RPS6KA2: variants seen among roughly 807,000 people sequenced by gnomAD.
RPS6KA2 encodes the protein ribosomal protein S6 kinase A2.
A neutral mutation model predicts 91.8 loss-of-function variants in RPS6KA2; 42 were observed. That is an observed-to-expected ratio of 0.46 (90% CI 0.36 to 0.59). The LOEUF (loss-of-function observed/expected upper bound fraction) is 0.59, where lower values mean the gene tolerates loss of function less well. Ranked by LOEUF, RPS6KA2 falls within the 20% of genes least tolerant of loss-of-function variation. RPS6KA2 has a pLI of 0.00. For missense variants in RPS6KA2, 798 were observed against 978.5 expected (o/e 0.82, Z 2.46); for synonymous variants, 414 against 393.6 (o/e 1.05, Z -0.61).
chr6:166,573,025 A>G (rs1784736779), intron 1 of RPS6KA2, among the ~76,000 whole-genome samples: 1 of 152,216 alleles, frequency 6.6e-6, no homozygotes, highest in Non-Finnish European at 1.5e-5. Context: ...GCCCCACCCC[A>G]CACCATGAGG....
intron 19 of RPS6KA2, among the ~76,000 whole-genome samples, chr6:166,417,887 G>A (rs1214967968): frequency 6.6e-6 from 1 of 151,858 alleles, no homozygotes; most frequent in Non-Finnish European, 1.5e-5. Flanking sequence ...CCAACATGGT[G>A]AAACAAAAAA....
chr6:166,679,292 T>TAA (rs113931859), intron 2 of RPS6KA2, among the ~76,000 whole-genome samples: 86 of 144,026 alleles, frequency 6.0e-4, no homozygotes, highest in Non-Finnish European at 1.1e-3. Context: ...CAACTCTCTT[T>TAA]AAAAAAAAAA....
chr6:166,859,802 A>G (rs1200718482), intron 1 of RPS6KA2, among the ~76,000 whole-genome samples: 1 of 152,238 alleles, frequency 6.6e-6, no homozygotes. Flanking sequence ...GAATCCAGGA[A>G]TGCTGATTCT....
chr6:166,514,181 C>T (rs1039588736), intron 3 of RPS6KA2, among the ~76,000 whole-genome samples: 1 of 152,202 alleles, frequency 6.6e-6, no homozygotes, highest in Non-Finnish European at 1.5e-5. Flanking sequence ...CCTCAAATTC[C>T]TTCCTCCCCC....
Position 166,665,886 on chromosome 6 carries a change from T to C in RPS6KA2, c.124-127102A>G, listed in dbSNP as rs1583000230. On this transcript the variant is annotated intron_variant, in intron 2 of 21. Coordinates refer to the RPS6KA2 transcript ENST00000503859. The surrounding 1 kb of genome is among the most constrained non-coding windows in gnomAD (Gnocchi z 4.5). The stretch of plus-strand genomic sequence containing the variant: ...GCTCTGCTCAGCACGGCCCCCAGCC[T>C]GCTTCCTGGGCAGGAAATTCACATG... 6.6e-6 allele frequency among the ~76,000 whole-genome samples: 1 copy of C among 152,212 alleles called. No homozygotes were observed. The highest frequency in any genetic ancestry group is 1.9e-4 in the East Asian group (1 of 5,204).
At chr6:166,559,527 C>T (rs1784277970) in intron 1 of RPS6KA2, among the ~76,000 whole-genome samples, 2 of 152,154 alleles carry the variant, frequency 1.3e-5, no homozygotes, top group Admixed American at 6.5e-5. Flanking sequence ...AATGACCATG[C>T]TGTAAATTAC....
intron 10 of RPS6KA2, among the ~76,000 whole-genome samples, chr6:166,482,027 G>A (rs1362101033): frequency 1.3e-5 from 2 of 151,144 alleles, no homozygotes; most frequent in Non-Finnish European, 2.9e-5. Flanking sequence ...GCTGCAGCTT[G>A]GAGAGCTCTG....
At chr6:166,760,189 A>T (rs1778128896) in intron 2 of RPS6KA2, among the ~76,000 whole-genome samples, 1 of 152,238 alleles carries the variant, frequency 6.6e-6, no homozygotes, top group Non-Finnish European at 1.5e-5. Context: ...TTCCCAGCTT[A>T]GGCAAATCAG....
intron 1 of RPS6KA2, among the ~76,000 whole-genome samples, chr6:166,590,128 C>T (rs1371843156): frequency 6.6e-6 from 1 of 152,190 alleles, no homozygotes; most frequent in Non-Finnish European, 1.5e-5. Context: ...AATTGGCAAG[C>T]ATCATCGGGA....
In RPS6KA2 at chr6:166,648,142, A is replaced by T. The variant is rs564328598; in HGVS notation, c.124-109358T>A. ...CACGCTCATACACATACATGCACAC[A>T]CGCACATGGTTACACACCCATGCAC... On this transcript the variant is annotated intron_variant, in intron 2 of 21. Transcript: ENST00000503859. This position sits in a 1 kb window ranked among gnomAD's most constrained non-coding sequence, Gnocchi z 4.8. Among the ~76,000 whole-genome samples the T allele has an allele frequency of 2.0e-5, 3 of 150,482 alleles. No homozygotes were observed. The highest frequency in any genetic ancestry group is 3.0e-5 in the Non-Finnish European group (2 of 67,724).
chr6:166,466,428 C>G (rs1331213874), intron 11 of RPS6KA2, among the ~76,000 whole-genome samples: 1 of 152,234 alleles, frequency 6.6e-6, no homozygotes, highest in East Asian at 1.9e-4. Context: ...GCCATGCATA[C>G]TTTGGAGTGG....
At chr6:166,619,404 C>T (rs997674246) in intron 1 of RPS6KA2, among the ~76,000 whole-genome samples, 1 of 152,236 alleles carries the variant, frequency 6.6e-6, no homozygotes, top group Non-Finnish European at 1.5e-5. Flanking sequence ...CTTTCCTTCG[C>T]TATGTTCAAA....
At chr6:166,564,623 C>T (rs1784439439) in intron 1 of RPS6KA2, among the ~76,000 whole-genome samples, 1 of 152,212 alleles carries the variant, frequency 6.6e-6, no homozygotes, top group South Asian at 2.1e-4. Flanking sequence ...CTATCTTGCA[C>T]TTGCTCTTTA....
intron 2 of RPS6KA2, among the ~76,000 whole-genome samples, chr6:166,813,432 T>A (rs1405904228): frequency 6.6e-6 from 1 of 152,188 alleles, no homozygotes; most frequent in Non-Finnish European, 1.5e-5. Context: ...ATTTTATGAT[T>A]TGTTTTCCGA....
At chr6:166,808,505 G>T (rs1297447822) in intron 2 of RPS6KA2, among the ~76,000 whole-genome samples, 2 of 152,164 alleles carry the variant, frequency 1.3e-5, no homozygotes, top group Non-Finnish European at 2.9e-5. Context: ...TTTTTCCTGT[G>T]CTTTCCTGGT....
At chr6:166,747,785 A>G (rs1272277885) in intron 2 of RPS6KA2, among the ~76,000 whole-genome samples, 3 of 152,182 alleles carry the variant, frequency 2.0e-5, no homozygotes, top group Non-Finnish European at 4.4e-5. Flanking sequence ...CTGTACTCCC[A>G]TGGGTACGCC....
chr6:166,538,808 G>C, intron 1 of RPS6KA2, 24 bp from the exon 2 acceptor site: 1 of 1,300,228 alleles, frequency 7.7e-7, no homozygotes, highest in East Asian at 2.3e-5. Context: ...GCACGGGTGA[G>C]AAACACACCG....
intron 2 of RPS6KA2, among the ~76,000 whole-genome samples, chr6:166,747,967 T>C (rs926388): frequency 1 from 151,995 of 152,260 alleles, 75,865 homozygotes; most frequent in Middle Eastern, 1. Flanking sequence ...GGTGTGTGCT[T>C]GACATTCTGC....
chr6:166,763,951 T>G (rs1320182900), intron 2 of RPS6KA2, among the ~76,000 whole-genome samples: 5 of 152,222 alleles, frequency 3.3e-5, no homozygotes, highest in Non-Finnish European at 7.3e-5. Flanking sequence ...AATGCTGAAT[T>G]GTGTGGCAGA....
Sources: allele counts gnomAD v4.1 joint callset (sites outside exome capture counted in the v4.1 genomes callset), GRCh38; gene constraint gnomAD v4.1.1; non-coding constraint Gnocchi (gnomAD v3.1); transcripts MANE v1.5; gene names NCBI Gene and HGNC (gene_info 2026-07-23, HGNC 2026-07-21).